The following ABL1 variants were observed in gnomAD, a reference collection of about 807,000 sequenced individuals.
The protein encoded by ABL1 is tyrosine-protein kinase ABL1.
A neutral mutation model predicts 94.7 loss-of-function variants in ABL1; 11 were observed. The observed-to-expected ratio is 0.12, with a 90% CI of 0.07 to 0.19. The LOEUF is 0.19. Ranked by LOEUF, ABL1 falls within the 10% of genes least tolerant of loss-of-function variation. The pLI, the probability that ABL1 is intolerant of heterozygous loss-of-function variation, is 1.00. For synonymous variants in ABL1, 656 were observed against 622.4 expected, an observed-to-expected ratio of 1.05 and a Z score of -0.80; for missense variants, 1,082 against 1,489.4, an observed-to-expected ratio of 0.73 and a Z score of 4.50.
intron 1 of ABL1, among the ~76,000 whole-genome samples, chr9:130,742,278 C>T (rs191781924): frequency 8.5e-5 from 13 of 152,288 alleles, no homozygotes; most frequent in Non-Finnish European, 1.9e-4. Flanking sequence ...CGTAGCTTTT[C>T]GGTGATTAAT....
At chr9:130,729,423 A>G (rs538203502) in intron 1 of ABL1, among the ~76,000 whole-genome samples, 1 of 152,222 alleles carries the variant, frequency 6.6e-6, no homozygotes, top group South Asian at 2.1e-4. Context: ...TACAAATTCT[A>G]CCTGCCTCAG....
chr9:130,838,606 G>C (rs1459836615), intron 1 of ABL1, among the ~76,000 whole-genome samples: 1 of 152,084 alleles, frequency 6.6e-6, no homozygotes, highest in Non-Finnish European at 1.5e-5. Context: ...TTGCTCTCCA[G>C]CTTTTTGTGA....
At position 130,880,733 on chromosome 9, in the gene ABL1, A is replaced by G. The variant is rs576223299; in HGVS notation, c.1678+69A>G. On this transcript the variant is annotated intron_variant, in intron 10 of 10. Transcript: ENST00000318560. This position sits in a 1 kb window ranked among gnomAD's most constrained non-coding sequence, Gnocchi z 4.4. ...TGCCAGAGGCTACATTCAGGCCATCATAGGCCAACGGGAAGCTGTGAATGG... is the reference window on the plus strand; with the variant it reads ...TGCCAGAGGCTACATTCAGGCCATCGTAGGCCAACGGGAAGCTGTGAATGG... 2 of 1,558,700 alleles carry G rather than the reference A, an allele frequency of 1.3e-6. No individual in the cohort carries two copies. The highest frequency in any genetic ancestry group is 1.7e-6 in the Non-Finnish European group (2 of 1,151,584).
rs1034217377 is a variant in ABL1, at chr9:130,887,412, G to A, written c.*1729G>A. The A allele has an allele frequency of 4.3e-6, 1 of 233,412 alleles. No individual in the cohort carries two copies. The highest frequency in any genetic ancestry group is 8.5e-6 in the Non-Finnish European group (1 of 118,020). 14.5% of individuals were successfully genotyped at this position (233,412 alleles called of 1,614,324 possible). A position where few individuals can be genotyped will look rare whatever the true frequency, so the allele number is the denominator to read the frequency against. ...AGGTCCCCCGACTGCCTGTCTCCAT[G>A]AGGTACTGGTCCCTTCCTTTTGTTA... On this transcript the variant is annotated 3_prime_UTR_variant, in exon 11 of 11. Coordinates refer to ENST00000318560, the MANE Select transcript of ABL1 (RefSeq NM_005157.6).
chr9:130,765,702 A>T (rs186997459), intron 1 of ABL1, among the ~76,000 whole-genome samples: 2 of 152,248 alleles, frequency 1.3e-5, no homozygotes, highest in East Asian at 3.9e-4. Context: ...GCACAATTAG[A>T]CCTGACAGCC....
intron 1 of ABL1, among the ~76,000 whole-genome samples, chr9:130,766,788 C>G (rs899317981): frequency 2.0e-5 from 3 of 152,230 alleles, no homozygotes; most frequent in Non-Finnish European, 4.4e-5. Context: ...TGCCCCGGCT[C>G]TGATCTCAAA....
chr9:130,752,372 C>G (rs1399822709), intron 1 of ABL1, among the ~76,000 whole-genome samples: 1 of 152,168 alleles, frequency 6.6e-6, no homozygotes, highest in Non-Finnish European at 1.5e-5. Context: ...CTACTGGGAA[C>G]TGTAACTCCT....
chr9:130,749,157 A>C (rs1331427224), intron 1 of ABL1, among the ~76,000 whole-genome samples: 1 of 152,088 alleles, frequency 6.6e-6, no homozygotes, highest in African/African-American at 2.4e-5. Flanking sequence ...CATTGTGCTC[A>C]GTTCTTTTTT....
intron 1 of ABL1, among the ~76,000 whole-genome samples, chr9:130,733,865 C>G (rs996060481): frequency 7.2e-5 from 11 of 152,104 alleles, no homozygotes; most frequent in African/African-American, 2.7e-4. Context: ...GCTGGGGTTA[C>G]AGGTGTGAGC....
chr9:130,807,043 G>A (rs927542487), intron 1 of ABL1, among the ~76,000 whole-genome samples: 12 of 151,888 alleles, frequency 7.9e-5, no homozygotes, highest in Non-Finnish European at 1.3e-4. Flanking sequence ...CCAGCTACCC[G>A]AGAGGCTGAG....
rs1011085336 is a variant in ABL1, at chr9:130,761,958, C to T, written c.136+47503C>T. Among the ~76,000 whole-genome samples the T allele has an allele frequency of 5.3e-5, 8 of 151,944 alleles. No homozygotes were observed. The East Asian group carries it at 7.7e-4, about 15-fold the overall frequency. On this transcript the variant is annotated intron_variant, in intron 1 of 10. Coordinates refer to the ABL1 transcript ENST00000372348. ...GGGAGTTAGAGACCAGCCTGACGAA[C>T]GTGGGGAAACCCCCGTCTCTACTAA...
At chr9:130,752,383 G>T (rs1215384537) in intron 1 of ABL1, among the ~76,000 whole-genome samples, 1 of 152,134 alleles carries the variant, frequency 6.6e-6, no homozygotes, top group Non-Finnish European at 1.5e-5. Context: ...TGTAACTCCT[G>T]CTGCCTACCA....
At chr9:130,802,832 A>T (rs1267899106) in intron 1 of ABL1, among the ~76,000 whole-genome samples, 2 of 151,966 alleles carry the variant, frequency 1.3e-5, no homozygotes, top group Non-Finnish European at 2.9e-5. Flanking sequence ...ACTTTTCTCT[A>T]ATACTTGTTT....
chr9:130,738,445 C>T (rs1419891080), intron 1 of ABL1, among the ~76,000 whole-genome samples: 1 of 152,128 alleles, frequency 6.6e-6, no homozygotes, highest in Admixed American at 6.5e-5. Context: ...AAGCTCATTA[C>T]AGGTAGTTGC....
At chr9:130,859,675 T>TC (rs1831034976) in intron 3 of ABL1, among the ~76,000 whole-genome samples, 3 of 115,526 alleles carry the variant, frequency 2.6e-5, no homozygotes, top group African/African-American at 1.6e-4. Context: ...TTTCTTTCTT[T>TC]CCTTTTTTTT....
At chr9:130,869,313 C>T (rs1355311397) in intron 4 of ABL1, among the ~76,000 whole-genome samples, 1 of 152,206 alleles carries the variant, frequency 6.6e-6, no homozygotes, top group Non-Finnish European at 1.5e-5. Flanking sequence ...GATAAACTGC[C>T]TTAATAGTAA....
At chr9:130,877,630 C>T (rs1455616619) in intron 7 of ABL1, among the ~76,000 whole-genome samples, 2 of 146,766 alleles carry the variant, frequency 1.4e-5, no homozygotes, top group Non-Finnish European at 3.0e-5. Flanking sequence ...CTTGTTCTGT[C>T]CTGGTCTCCT....
chr9:130,729,839 G>A (rs1221358987), intron 1 of ABL1, among the ~76,000 whole-genome samples: 3 of 150,964 alleles, frequency 2.0e-5, no homozygotes, highest in Non-Finnish European at 4.4e-5. Context: ...GGGTTCAAGC[G>A]ATTCTCCTGC....
At chr9:130,733,575 CTTTTTTTT>C (rs35185474) in intron 1 of ABL1, among the ~76,000 whole-genome samples, 2 of 103,220 alleles carry the variant, frequency 1.9e-5, no homozygotes, top group African/African-American at 8.7e-5. Flanking sequence ...CTGTAAAGCA[CTTTTTTTT>C]TTTTTTTTTT....
Sources: gnomAD v4.1 joint callset for allele counts (sites outside exome capture counted in the v4.1 genomes callset) on GRCh38, gnomAD v4.1.1 for gene constraint, Gnocchi (gnomAD v3.1) non-coding constraint, MANE v1.5 for transcripts, NCBI Gene and HGNC (gene_info 2026-07-23, HGNC 2026-07-21) for gene names.